The following SLC6A11 variants were observed in gnomAD, a reference collection of about 807,000 sequenced individuals.
The protein encoded by SLC6A11 is sodium- and chloride-dependent GABA transporter 3.
SLC6A11 carries 25 observed loss-of-function variants against 74.8 expected under a neutral mutation model. The observed-to-expected ratio is 0.33, with a 90% CI of 0.24 to 0.47. SLC6A11 has a LOEUF of 0.47. Ranked by LOEUF, SLC6A11 falls within the 20% of genes least tolerant of loss-of-function variation. The pLI, the probability that SLC6A11 is intolerant of heterozygous loss-of-function variation, is 1.00. For synonymous variants in SLC6A11, 330 were observed against 330.2 expected (o/e 1.00, Z 0.01); for missense variants, 574 against 837.0 (o/e 0.69, Z 3.88).
rs537196067 is a variant in SLC6A11 at position 10,931,682 on chromosome 3, C to T, written c.1372-1469C>T. On this transcript the variant is annotated intron_variant, in intron 10 of 13. Transcript: ENST00000254488. ...GCAGATCTGGCCTCACAGCTGCATT[C>T]CCCAGCAACTGCCCTCCAGAGGTGT... Among the ~76,000 whole-genome samples, 11 of 152,350 alleles carry T rather than the reference C, an allele frequency of 7.2e-5. No homozygotes were observed. In the South Asian group the frequency reaches 8.3e-4, roughly 11 times the overall value.
At chr3:10,874,835 G>GC in intron 5 of SLC6A11, 126 bp from the exon 6 acceptor site, 1 of 883,780 alleles carries the variant, frequency 1.1e-6, no homozygotes, top group Non-Finnish European at 1.7e-6. Context: ...TACACGCGGG[G>GC]GAATGCTGGT....
intron 5 of SLC6A11, among the ~76,000 whole-genome samples, chr3:10,871,275 C>A (rs1353377111): frequency 6.6e-6 from 1 of 152,098 alleles, no homozygotes; most frequent in Non-Finnish European, 1.5e-5. Context: ...CAAAGTGGCC[C>A]CACAGGTGAA....
At position 10,935,277 on chromosome 3, in the gene SLC6A11, C is replaced by T. The variant is rs551678767; in HGVS notation, c.1746+78C>T. ...TCCCAGTTTCCTCATCTGCATGGTG[C>T]GCGATGACGGCCTGCGCCCACCTGC... is the stretch of plus-strand genomic sequence containing the variant. On this transcript the variant is annotated intron_variant, in intron 13 of 13. Transcript: ENST00000254488. 5.7e-5 allele frequency: 77 copies of T among 1,347,588 alleles called. No individual in the cohort carries two copies. In the African/African-American group the frequency reaches 8.3e-4, roughly 15 times the overall value. The allele number at this position is 1,347,588 out of a possible 1,614,324, so 83.5% of individuals were successfully genotyped here. A position where few individuals can be genotyped will look rare whatever the true frequency, so the allele number is the denominator to read the frequency against.
intron 6 of SLC6A11, among the ~76,000 whole-genome samples, chr3:10,883,584 A>T (rs1252852729): frequency 6.6e-6 from 1 of 152,136 alleles, no homozygotes; most frequent in Non-Finnish European, 1.5e-5. Context: ...AGAGCACCTC[A>T]GAACACCAAA....
intron 10 of SLC6A11, among the ~76,000 whole-genome samples, chr3:10,932,229 A>G (rs1695697540): frequency 6.6e-6 from 1 of 151,978 alleles, no homozygotes; most frequent in South Asian, 2.1e-4. Flanking sequence ...CTAGGACATC[A>G]CTAAACTCAA....
chr3:10,860,237 AT>A (rs1345648148), intron 5 of SLC6A11, among the ~76,000 whole-genome samples: 1 of 152,234 alleles, frequency 6.6e-6, no homozygotes, highest in Non-Finnish European at 1.5e-5. Context: ...AAAATATTTT[AT>A]CTAACAAAAC....
chr3:10,867,778 G>A, intron 5 of SLC6A11, among the ~76,000 whole-genome samples: 1 of 152,188 alleles, frequency 6.6e-6, no homozygotes, highest in East Asian at 1.9e-4. Context: ...TAAGGTGAAA[G>A]GTATGCTGAG....
At chr3:10,849,077 GT>G (rs1397776517) in intron 5 of SLC6A11, among the ~76,000 whole-genome samples, 1 of 152,076 alleles carries the variant, frequency 6.6e-6, no homozygotes, top group Non-Finnish European at 1.5e-5. Context: ...TTATCTCCCC[GT>G]TCCAATAAAA....
At chr3:10,908,340 T>C (rs879368336) in intron 6 of SLC6A11, among the ~76,000 whole-genome samples, 2 of 152,160 alleles carry the variant, frequency 1.3e-5, no homozygotes, top group Non-Finnish European at 2.9e-5. Context: ...CTGTAGCTAA[T>C]TTCAGTATTC....
chr3:10,885,225 T>C (rs1256968953), intron 6 of SLC6A11, among the ~76,000 whole-genome samples: 1 of 152,250 alleles, frequency 6.6e-6, no homozygotes, highest in Non-Finnish European at 1.5e-5. Context: ...AAATCTTTTA[T>C]ACTACGTAGT....
At chr3:10,897,956 CA>C (rs1443265635) in intron 6 of SLC6A11, among the ~76,000 whole-genome samples, 2 of 152,218 alleles carry the variant, frequency 1.3e-5, no homozygotes, top group African/African-American at 4.8e-5. Context: ...TCCCAAACCC[CA>C]ATTCTTGATT....
intron 4 of SLC6A11, among the ~76,000 whole-genome samples, chr3:10,835,955 A>T (rs7630744): frequency 0.038 from 5,728 of 152,338 alleles, 354 homozygotes; most frequent in African/African-American, 0.13. Context: ...GTGTGAAGCC[A>T]TCACCACAAT....
chr3:10,838,344 C>T (rs868445236), intron 4 of SLC6A11, among the ~76,000 whole-genome samples: 2 of 152,210 alleles, frequency 1.3e-5, no homozygotes, highest in African/African-American at 4.8e-5. Context: ...CACTGTCCTT[C>T]GACCATCAGG....
intron 13 of SLC6A11, 114 bp downstream of exon 13, chr3:10,935,313 C>T (rs879792252): frequency 1.1e-4 from 100 of 925,264 alleles, no homozygotes; most frequent in Non-Finnish European, 1.3e-4. Context: ...CTCAAGGGGA[C>T]GCTGTGGCAA....
chr3:10,900,299 G>A (rs187276788), intron 6 of SLC6A11, among the ~76,000 whole-genome samples: 56 of 152,224 alleles, frequency 3.7e-4, no homozygotes, highest in African/African-American at 1.3e-3. Flanking sequence ...CTCCTTTCCT[G>A]TGTGCTGGAG....
intron 5 of SLC6A11, among the ~76,000 whole-genome samples, chr3:10,848,668 G>A (rs1284374320): frequency 1.3e-5 from 2 of 152,220 alleles, no homozygotes; most frequent in Non-Finnish European, 2.9e-5. Context: ...ACACTGGACA[G>A]CCTTGTCTCC....
At chr3:10,834,340 G>GTT (rs34661734) in intron 4 of SLC6A11, among the ~76,000 whole-genome samples, 5,671 of 114,224 alleles carry the variant, frequency 0.05, 124 homozygotes, top group East Asian at 0.17. Flanking sequence ...AAGTAAGTTT[G>GTT]TTTTTTTTTT....
intron 11 of SLC6A11, 40 bp downstream of exon 11, chr3:10,933,293 C>T: frequency 7.2e-7 from 1 of 1,387,294 alleles, no homozygotes; most frequent in Non-Finnish European, 1.0e-6. Context: ...CAGCTGCCCA[C>T]CAGGTACCCA....
chr3:10,833,751 C>G (rs1694328945), intron 4 of SLC6A11, among the ~76,000 whole-genome samples: 1 of 152,216 alleles, frequency 6.6e-6, no homozygotes, highest in South Asian at 2.1e-4. Context: ...TACAGCACTA[C>G]TAGTAGTAAC....
Sources: allele counts gnomAD v4.1 joint callset (sites outside exome capture counted in the v4.1 genomes callset), GRCh38; gene constraint gnomAD v4.1.1; transcripts MANE v1.5; gene names NCBI Gene and HGNC (gene_info 2026-07-23, HGNC 2026-07-21).